Variants in NDUFAF6 observed in about 807,000 individuals in gnomAD.
NDUFAF6 encodes the protein NADH dehydrogenase (ubiquinone) complex I, assembly factor 6.
In NDUFAF6, 45 loss-of-function variants were observed where a neutral mutation model predicts 40.8. That is an observed-to-expected ratio of 1.10 (90% CI 0.87 to 1.42). The LOEUF (loss-of-function observed/expected upper bound fraction) is 1.42. Among genes scored for constraint, NDUFAF6 ranks in the 40% most tolerant of loss-of-function variants. The probability of loss-of-function intolerance (pLI) is 0.00; values close to 1 mark genes in which losing one functional copy is unlikely to be tolerated. For missense variants in NDUFAF6, 435 were observed against 418.5 expected, an observed-to-expected ratio of 1.04 and a Z score of -0.34; for synonymous variants, 185 against 155.9, an observed-to-expected ratio of 1.19 and a Z score of -1.39.
intron 1 of NDUFAF6, chr8:94,975,968 T>G (rs544158999): frequency 6.6e-6 from 1 of 152,142 alleles, no homozygotes; most frequent in Non-Finnish European, 1.5e-5. Context: ...CCCAGCACTT[T>G]GGGAGGCAGA....
chr8:94,933,840 G>GA (rs1005719752), intron 1 of NDUFAF6, among the ~76,000 whole-genome samples: 1 of 148,494 alleles, frequency 6.7e-6, no homozygotes, highest in Non-Finnish European at 1.5e-5. Context: ...TTTGTGGGGG[G>GA]GGGGGGAGGA....
intron 1 of NDUFAF6, among the ~76,000 whole-genome samples, chr8:94,944,265 A>G (rs934468608): frequency 6.6e-6 from 1 of 152,166 alleles, no homozygotes; most frequent in Admixed American, 6.5e-5. Context: ...CTTGTCCCCA[A>G]CCTGTGATGC....
intron 1 of NDUFAF6, among the ~76,000 whole-genome samples, chr8:94,899,019 CTT>C (rs1163327858): frequency 1.3e-5 from 2 of 152,108 alleles, no homozygotes; most frequent in Non-Finnish European, 2.9e-5. Context: ...TTTAATGAAA[CTT>C]GCTTATCCTT....
At chr8:95,096,555 G>A (rs1809470497), upstream of NDUFAF6, among the ~76,000 whole-genome samples, 1 of 152,204 alleles carries the variant, frequency 6.6e-6, no homozygotes, top group Admixed American at 6.5e-5. Context: ...CCTGTGACCT[G>A]ATGAGGTTAG....
At chr8:94,906,977 G>A (rs1296412992) in intron 1 of NDUFAF6, among the ~76,000 whole-genome samples, 3 of 152,210 alleles carry the variant, frequency 2.0e-5, no homozygotes, top group African/African-American at 7.2e-5. Context: ...ATGTTGGACA[G>A]TAAATGAAAA....
chr8:95,107,029 G>A (rs1809860621), downstream of NDUFAF6, among the ~76,000 whole-genome samples: 1 of 152,248 alleles, frequency 6.6e-6, no homozygotes, highest in East Asian at 1.9e-4. Context: ...CTTTTACACT[G>A]TTGGTGGGAG....
chr8:95,026,781 C>T (rs1828194521), intron 1 of NDUFAF6, among the ~76,000 whole-genome samples: 1 of 152,182 alleles, frequency 6.6e-6, no homozygotes, highest in African/African-American at 2.4e-5. Flanking sequence ...GGAGGAATGG[C>T]TTACACCTGT....
chr8:94,996,306 G>C (rs116476432), intron 2 of NDUFAF6, among the ~76,000 whole-genome samples: 1,538 of 152,180 alleles, frequency 0.01, 27 homozygotes, highest in African/African-American at 0.035. Context: ...CCAGGAACCA[G>C]GTCAAGAATC....
At chr8:95,074,414 A>ATTCACTACCTCCTAACTTCCCC (rs372947279) in intron 9 of NDUFAF6, among the ~76,000 whole-genome samples, 1 of 147,604 alleles carries the variant, frequency 6.8e-6, no homozygotes, top group Non-Finnish European at 1.5e-5. Context: ...GGGGCCAGGG[A>ATTCACTACCTCCTAACTTCCCC]AGTGTTTGAC....
rs575294447 is a variant in NDUFAF6 at position 95,012,166 on chromosome 8, T to G, written c.-83-19829T>G. Among the ~76,000 whole-genome samples the G allele has an allele frequency of 2.0e-5, 3 of 152,350 alleles. No homozygotes were observed. In the East Asian group the frequency reaches 5.8e-4, roughly 29 times the overall value. On this transcript the variant is annotated intron_variant, in intron 2 of 9. Transcript: ENST00000396111. Reference sequence around the variant, plus strand: ...ATTCAATTTTGTTTTTATTTTAATTTGCATTTCCCTGTCTACTGGCAAGAT... The same window carrying G: ...ATTCAATTTTGTTTTTATTTTAATTGGCATTTCCCTGTCTACTGGCAAGAT...
At position 95,057,948 on chromosome 8, in the gene NDUFAF6, TGG is replaced by T; in HGVS notation, c.*12_*13del. 6.6e-7 allele frequency: 1 copy of T among 1,518,688 alleles called. No homozygotes were observed. Among genetic ancestry groups the T allele is most frequent in the Non-Finnish European group, 9.1e-7 (1 of 1,095,010 alleles). The allele number at this position is 1,518,688 out of a possible 1,614,324, so 94.1% of individuals were successfully genotyped here. ...AGAAAAACATATTAAAATAATTTCA[TGG>T]CATTGATGTTAATTCTAGTCTATTA... On this transcript the variant is annotated 3_prime_UTR_variant, in exon 9 of 9. Transcript: ENST00000396124.
intron 1 of NDUFAF6, chr8:94,930,271 G>GA: frequency 1.6e-6 from 1 of 607,790 alleles, no homozygotes; most frequent in South Asian, 2.5e-5. Flanking sequence ...CTGAAAAAGT[G>GA]TACAAAAAAA....
chr8:94,941,895 G>A (rs1821572210), intron 1 of NDUFAF6, among the ~76,000 whole-genome samples: 1 of 152,136 alleles, frequency 6.6e-6, no homozygotes. Context: ...GCTACCTGAT[G>A]GGCGTATCAA....
intron 1 of NDUFAF6, among the ~76,000 whole-genome samples, chr8:94,916,200 T>G (rs1819113894): frequency 6.6e-6 from 1 of 152,202 alleles, no homozygotes; most frequent in Admixed American, 6.5e-5. Context: ...TCTTACAGCC[T>G]GATGCAATAC....
At chr8:95,058,718 C>T, downstream of NDUFAF6, 1 of 1,000,802 alleles carries the variant, frequency 1.0e-6, no homozygotes, top group Non-Finnish European at 1.2e-6. Context: ...TTATACTGTA[C>T]ATTCTGCGCT....
rs1232897152 is a variant in NDUFAF6 at position 94,937,310 on chromosome 8, G to A, written c.-935-8173G>A. ...ACAAATATTACCCAGGTATGGTGGCGGGCGCCTGTAATCCCAGCTACTTGG... is the reference window on the plus strand; with the variant it reads ...ACAAATATTACCCAGGTATGGTGGCAGGCGCCTGTAATCCCAGCTACTTGG... On this transcript the variant is annotated intron_variant, in intron 1 of 14. Coordinates refer to the NDUFAF6 transcript ENST00000396113. Among the ~76,000 whole-genome samples the A allele has an allele frequency of 3.3e-5, 5 of 152,036 alleles. No homozygotes were observed. The East Asian group carries it at 5.8e-4, about 18-fold the overall frequency.
chr8:95,061,651 C>T (rs753095249), downstream of NDUFAF6, among the ~76,000 whole-genome samples: 2 of 151,988 alleles, frequency 1.3e-5, no homozygotes, highest in Non-Finnish European at 2.9e-5. Flanking sequence ...TTGTAGAATG[C>T]GAAGGTGATT....
chr8:94,934,446 C>CACT (rs1820766728), intron 1 of NDUFAF6, among the ~76,000 whole-genome samples: 1 of 151,098 alleles, frequency 6.6e-6, no homozygotes, highest in African/African-American at 2.4e-5. Flanking sequence ...AGTGCAATGG[C>CACT]GTGATCTCAG....
chr8:95,033,873 G>T, intron 2 of NDUFAF6: 1 of 384,062 alleles, frequency 2.6e-6, no homozygotes, highest in African/African-American at 2.1e-5. Context: ...CATGGGAGGA[G>T]ATTCAGTTAG....
Sources: allele counts gnomAD v4.1 joint callset (sites outside exome capture counted in the v4.1 genomes callset), GRCh38; gene constraint gnomAD v4.1.1; transcripts MANE v1.5; gene names NCBI Gene and HGNC (gene_info 2026-07-23, HGNC 2026-07-21).